The following RGS6 variants were observed in gnomAD, a reference collection of about 807,000 sequenced individuals.
RGS6 encodes regulator of G-protein signaling 6.
RGS6 carries 30 observed loss-of-function variants against 78.5 expected under a neutral mutation model. The observed-to-expected ratio is 0.38, with a 90% confidence interval of 0.29 to 0.52. The LOEUF is 0.52. Among genes scored for constraint, RGS6 ranks in the 20% least tolerant of loss-of-function variants. RGS6 has a pLI of 0.85. For synonymous variants in RGS6, 206 were observed against 206.0 expected (o/e 1.00, Z 0.00); for missense variants, 495 against 609.7 (o/e 0.81, Z 1.98).
chr14:72,592,638 T>C, the RGS6 span, among the ~76,000 whole-genome samples: 44 of 152,352 alleles, frequency 2.9e-4, no homozygotes, highest in Admixed American at 2.8e-3. Flanking sequence ...AGAAAATTTA[T>C]TTGGAAAAAA....
At chr14:72,511,983 A>G (rs756641938) in intron 14 of RGS6, among the ~76,000 whole-genome samples, 2 of 152,212 alleles carry the variant, frequency 1.3e-5, no homozygotes, top group African/African-American at 2.4e-5. Context: ...GCCTCCCTGT[A>G]TAGGAAGGAA....
chr14:72,202,926 G>T (rs534607714), intron 2 of RGS6, among the ~76,000 whole-genome samples: 1 of 152,038 alleles, frequency 6.6e-6, no homozygotes, highest in Non-Finnish European at 1.5e-5. Flanking sequence ...AGGCTGGAGT[G>T]CAGTGGCGCC....
intron 2 of RGS6, among the ~76,000 whole-genome samples, chr14:72,045,550 T>C (rs1156958658): frequency 2.0e-5 from 3 of 152,166 alleles, no homozygotes; most frequent in Non-Finnish European, 4.4e-5. Context: ...TTAGACGTAA[T>C]CTAATGTAAT....
chr14:72,029,478 G>A (rs557924318), intron 2 of RGS6, among the ~76,000 whole-genome samples: 1 of 152,240 alleles, frequency 6.6e-6, no homozygotes, highest in African/African-American at 2.4e-5. Flanking sequence ...AGTTCCCTCC[G>A]TGTATTCTGC....
At chr14:71,896,631 C>T in the RGS6 span, among the ~76,000 whole-genome samples, 3 of 152,264 alleles carry the variant, frequency 2.0e-5, no homozygotes, top group South Asian at 6.2e-4. Flanking sequence ...TTTACCCAGC[C>T]CCTATTCAAG....
At chr14:72,062,090 G>A (rs767956490) in intron 2 of RGS6, among the ~76,000 whole-genome samples, 9 of 152,210 alleles carry the variant, frequency 5.9e-5, no homozygotes, top group Non-Finnish European at 1.0e-4. Context: ...GACAGTGCAA[G>A]GTGTGTGATC....
At chr14:72,002,094 G>A (rs1341838230) in intron 2 of RGS6, among the ~76,000 whole-genome samples, 2 of 151,476 alleles carry the variant, frequency 1.3e-5, no homozygotes, top group Non-Finnish European at 2.9e-5. Flanking sequence ...GTAGAGACAG[G>A]GTTTTGCCAT....
At chr14:72,304,196 C>A (rs1217168690) in intron 2 of RGS6, among the ~76,000 whole-genome samples, 1 of 152,198 alleles carries the variant, frequency 6.6e-6, no homozygotes, top group Non-Finnish European at 1.5e-5. Flanking sequence ...CCTCCTCCCC[C>A]AGGCTGCAAG....
the RGS6 span, among the ~76,000 whole-genome samples, chr14:71,926,498 C>T: frequency 6.0e-5 from 9 of 149,956 alleles, no homozygotes; most frequent in South Asian, 8.4e-4. Flanking sequence ...GCAGGAGAAT[C>T]GCTTGAACCC....
intron 2 of RGS6, among the ~76,000 whole-genome samples, chr14:72,269,199 T>C (rs1246665143): frequency 6.6e-6 from 1 of 151,750 alleles, no homozygotes; most frequent in Non-Finnish European, 1.5e-5. Flanking sequence ...GTGATACCCT[T>C]CTTCTTGGTC....
At chr14:71,890,358 C>CAGACAGAGAGAGAGAGAGAGAGAGAG in the RGS6 span, among the ~76,000 whole-genome samples, 88 of 133,088 alleles carry the variant, frequency 6.6e-4, 2 homozygotes, top group African/African-American at 2.1e-3. Context: ...GTGCATAAGA[C>CAGACAGAGAGAGAGAGAGAGAGAGAG]AGAGAGAGAG....
intron 15 of RGS6, among the ~76,000 whole-genome samples, chr14:72,535,534 C>A (rs941428592): frequency 7.9e-5 from 12 of 152,146 alleles, no homozygotes; most frequent in Non-Finnish European, 1.6e-4. Flanking sequence ...GCTACAATCC[C>A]CTGATTTTAT....
chr14:72,534,415 A>G lies in RGS6; in HGVS notation c.1279-1771A>G, dbSNP rs1319845402. On this transcript the variant is annotated intron_variant, in intron 15 of 17. Coordinates refer to ENST00000553525, the MANE Select transcript of RGS6 (RefSeq NM_001204424.2). ...CTGGAACCAAACCCACAATACCTCC[A>G]AGGTCTCCTTACATAAGTGAAGACA... 2.0e-5 allele frequency among the ~76,000 whole-genome samples: 3 copies of G among 152,166 alleles called. No individual in the cohort carries two copies. In the East Asian group the frequency reaches 5.8e-4, roughly 29 times the overall value.
At chr14:72,527,693 C>T (rs887545821) in intron 15 of RGS6, among the ~76,000 whole-genome samples, 1 of 152,182 alleles carries the variant, frequency 6.6e-6, no homozygotes, top group South Asian at 2.1e-4. Context: ...TCCACTTCTA[C>T]TTCCACATTT....
intron 2 of RGS6, among the ~76,000 whole-genome samples, chr14:72,335,478 G>A (rs2075859075): frequency 6.6e-6 from 1 of 152,146 alleles, no homozygotes; most frequent in Admixed American, 6.5e-5. Context: ...ATGGAAAAGT[G>A]ACTCCCAGGG....
At chr14:72,391,008 G>C (rs756306084) in intron 3 of RGS6, among the ~76,000 whole-genome samples, 1 of 152,158 alleles carries the variant, frequency 6.6e-6, no homozygotes, top group Non-Finnish European at 1.5e-5. Context: ...GCTTACAAGG[G>C]TGTTGTCCTG....
chr14:71,900,750 G>C, the RGS6 span, among the ~76,000 whole-genome samples: 1 of 152,066 alleles, frequency 6.6e-6, no homozygotes. Flanking sequence ...GAATACCTGA[G>C]ACTGGGTAAT....
chr14:71,896,415 G>C, the RGS6 span, among the ~76,000 whole-genome samples: 1 of 152,136 alleles, frequency 6.6e-6, no homozygotes, highest in African/African-American at 2.4e-5. Flanking sequence ...CTGTCATGGC[G>C]CTGGTGGGAG....
chr14:72,448,037 C>G (rs960842005), intron 3 of RGS6, among the ~76,000 whole-genome samples: 1 of 152,208 alleles, frequency 6.6e-6, no homozygotes, highest in African/African-American at 2.4e-5. Context: ...ACAACCAGAT[C>G]ATTTCAGCAA....
Sources: gnomAD v4.1 joint callset for allele counts (sites outside exome capture counted in the v4.1 genomes callset) on GRCh38, gnomAD v4.1.1 for gene constraint, MANE v1.5 for transcripts, NCBI Gene and HGNC (gene_info 2026-07-23, HGNC 2026-07-21) for gene names.